Variants in EIF4ENIF1 observed in about 807,000 individuals in gnomAD.
EIF4ENIF1 encodes the protein eukaryotic translation initiation factor 4E transporter.
EIF4ENIF1 carries 23 observed loss-of-function variants against 110.5 expected under a neutral mutation model. The observed-to-expected ratio is 0.21, with a 90% CI of 0.15 to 0.29. The LOEUF is 0.29. Among genes scored for constraint, EIF4ENIF1 ranks in the 10% least tolerant of loss-of-function variants. The pLI is 1.00. For missense variants in EIF4ENIF1, 1,031 were observed against 1,221.1 expected (o/e 0.84, Z 2.32); for synonymous variants, 440 against 437.0 (o/e 1.01, Z -0.09).
At chr22:31,456,822 G>A (rs573983560) in intron 7 of EIF4ENIF1, among the ~76,000 whole-genome samples, 2 of 152,258 alleles carry the variant, frequency 1.3e-5, no homozygotes, top group South Asian at 2.1e-4. Context: ...TACTTTCTAA[G>A]AATATAAAGC....
chr22:31,463,869 A>G lies in EIF4ENIF1; in HGVS notation c.397T>C (p.Ser133Pro). The change falls in exon 5 of 19, where the codon TCC (serine) becomes CCC (proline). Residue 133 changes from serine to proline, a missense_variant. Around this residue, in one of 3 missense-constraint regions of EIF4ENIF1, gnomAD observed 704 missense variants for 879.7 expected, o/e 0.80. Coordinates refer to ENST00000330125, the MANE Select transcript of EIF4ENIF1 (RefSeq NM_019843.4). ...GGCHVTAAVSSRRSGSPLEKD... is the reference protein window; with the variant it reads ...GGCHVTAAVSPRRSGSPLEKD... The stretch of plus-strand genomic sequence containing the variant: ...TCTAATGGACTTCCTGAGCGCCGGG[A>G]GCTAACAGCGGCTGTCACGTGGCAG... The G allele has an allele frequency of 6.2e-7, 1 of 1,614,108 alleles. No individual in the cohort carries two copies. The highest frequency in any genetic ancestry group is 8.5e-7 in the Non-Finnish European group (1 of 1,180,038).
chr22:31,490,124 C>T (rs1214142848), upstream of EIF4ENIF1, among the ~76,000 whole-genome samples: 1 of 152,218 alleles, frequency 6.6e-6, no homozygotes, highest in African/African-American at 2.4e-5. Flanking sequence ...CAGAGGCCAC[C>T]GCCGCCGCGT....
rs1338769254 is a variant in EIF4ENIF1 at position 31,439,650 on chromosome 22, A to T, written c.*230T>A. ...ACATATCTTACAAAAAAGAAAGACC[A>T]TTTCCAGGATTGACAACATTGTGCA... On this transcript the variant is annotated 3_prime_UTR_variant, in exon 19 of 19. Coordinates refer to ENST00000330125, the MANE Select transcript of EIF4ENIF1 (RefSeq NM_019843.4). The T allele has an allele frequency of 1.7e-6, 1 of 587,944 alleles. No individual in the cohort carries two copies. The highest frequency in any genetic ancestry group is 3.6e-5 in the Admixed American group (1 of 28,106). The allele number at this position is 587,944 out of a possible 1,614,324, so 36.4% of individuals were successfully genotyped here. A position where few individuals can be genotyped will look rare whatever the true frequency, so the allele number is the denominator to read the frequency against.
At chr22:31,477,822 A>T (rs1397852810) in intron 2 of EIF4ENIF1, among the ~76,000 whole-genome samples, 6 of 152,222 alleles carry the variant, frequency 3.9e-5, no homozygotes, top group African/African-American at 1.4e-4. Flanking sequence ...TAAAAGTGGC[A>T]GGGAGTCACT....
At position 31,463,894 on chromosome 22, in the gene EIF4ENIF1, G is replaced by T; in HGVS notation, c.372C>A (p.Gly124=). 1 of 1,614,126 alleles carries T rather than the reference G, an allele frequency of 6.2e-7. No individual in the cohort carries two copies. Among genetic ancestry groups the T allele is most frequent in the East Asian group, 2.2e-5 (1 of 44,882 alleles). Residue 124 remains glycine (G), a synonymous_variant, in exon 5 of 19, where the codon GGC becomes GGA. Coordinates refer to ENST00000330125, the MANE Select transcript of EIF4ENIF1 (RefSeq NM_019843.4). ...AGCTAACAGCGGCTGTCACGTGGCA[G>T]CCCCCTCCAAAGCTCCGTCTCTGAG... is the stretch of plus-strand genomic sequence containing the variant. The part of the protein sequence containing the change: ...LSPQRRSFGG[G]CHVTAAVSSR...
chr22:31,464,303 A>T, intron 4 of EIF4ENIF1: 1 of 235,416 alleles, frequency 4.2e-6, no homozygotes, highest in East Asian at 1.1e-4. Context: ...TATTTGAAAA[A>T]ATAACTGCTT....
intron 15 of EIF4ENIF1, 127 bp from the exon 16 acceptor site, chr22:31,443,221 T>G: frequency 3.0e-6 from 4 of 1,337,176 alleles, no homozygotes; most frequent in Admixed American, 2.6e-5. Flanking sequence ...AACTGTAGTA[T>G]TCTGTTCTGT....
intron 3 of EIF4ENIF1, among the ~76,000 whole-genome samples, chr22:31,470,088 CG>C (rs1217490834): frequency 1.4e-5 from 2 of 144,074 alleles, no homozygotes; most frequent in Non-Finnish European, 3.0e-5. Flanking sequence ...CGCTTGAACC[CG>C]GGAGGGGAAG....
upstream of EIF4ENIF1, among the ~76,000 whole-genome samples, chr22:31,492,386 A>G (rs2052293324): frequency 6.6e-6 from 1 of 152,196 alleles, no homozygotes; most frequent in Admixed American, 6.5e-5. Context: ...AAACCACCAC[A>G]AGCCATACAT....
In EIF4ENIF1 at chr22:31,442,252, C is replaced by T. The variant is rs895589333; in HGVS notation, c.2207-134G>A. The T allele has an allele frequency of 3.3e-5, 23 of 691,086 alleles. 1 individual carries two copies. The highest frequency in any genetic ancestry group is 9.8e-5 in the South Asian group (5 of 51,228). 42.8% of individuals were successfully genotyped at this position (691,086 alleles called of 1,614,324 possible). A position where few individuals can be genotyped will look rare whatever the true frequency, so the allele number is the denominator to read the frequency against. Reference sequence around the variant, plus strand: ...CCCTTAACAAGTTTAGAGGACTACACGGTAGGAACCATCGTTTGCTTCATA... The same window carrying T: ...CCCTTAACAAGTTTAGAGGACTACATGGTAGGAACCATCGTTTGCTTCATA... On this transcript the variant is annotated intron_variant, in intron 16 of 18. Transcript: ENST00000330125.
chr22:31,456,368 C>A (rs571888692), intron 7 of EIF4ENIF1, among the ~76,000 whole-genome samples: 1 of 151,676 alleles, frequency 6.6e-6, no homozygotes, highest in Non-Finnish European at 1.5e-5. Context: ...GGACTACAGG[C>A]GCCTGCCACC....
At chr22:31,476,389 G>GA (rs2051573942) in intron 2 of EIF4ENIF1, among the ~76,000 whole-genome samples, 1 of 152,136 alleles carries the variant, frequency 6.6e-6, no homozygotes, top group Non-Finnish European at 1.5e-5. Context: ...ATTTATTTAG[G>GA]AGTCACCTGG....
chr22:31,446,003 T>A, intron 14 of EIF4ENIF1, among the ~76,000 whole-genome samples: 1 of 136,950 alleles, frequency 7.3e-6, no homozygotes, highest in East Asian at 2.6e-4. Flanking sequence ...TCATATAAAA[T>A]TCTGGGCCAG....
intron 2 of EIF4ENIF1, among the ~76,000 whole-genome samples, chr22:31,487,464 C>T (rs1365429553): frequency 5.9e-5 from 9 of 152,134 alleles, no homozygotes; most frequent in Admixed American, 5.9e-4. Flanking sequence ...ATTAACCAAT[C>T]AGTATCCCAG....
At chr22:31,454,416 G>C in intron 9 of EIF4ENIF1, 40 bp from the exon 10 acceptor site, 1 of 1,549,652 alleles carries the variant, frequency 6.5e-7, no homozygotes, top group Non-Finnish European at 8.9e-7. Flanking sequence ...CAAGCAAAGA[G>C]ATATCTGGTA....
chr22:31,449,504 G>T lies in EIF4ENIF1; in HGVS notation c.1612C>A (p.Pro538Thr), dbSNP rs142530811. ...QELLGQPVQR[P>T]ASSNLLSGLM... ...CCACTCAGAAGATTGGAAGAAGCAG[G>T]TCTCTGAACTGGTTGACCCAGAAGT... The change falls in exon 12 of 19, where the codon CCT becomes ACT. Residue 538 changes from proline (P) to threonine (T), a missense_variant. Coordinates refer to ENST00000330125, the MANE Select transcript of EIF4ENIF1 (RefSeq NM_019843.4). The T allele has an allele frequency of 7.3e-5, 118 of 1,613,564 alleles. No individual in the cohort carries two copies. Among genetic ancestry groups the T allele is most frequent in the Admixed American group, 1.2e-4 (7 of 59,832 alleles).
chr22:31,480,771 C>T (rs533420696), intron 2 of EIF4ENIF1, among the ~76,000 whole-genome samples: 1 of 151,776 alleles, frequency 6.6e-6, no homozygotes, highest in African/African-American at 2.4e-5. Flanking sequence ...AAAACAAAAC[C>T]GAACAGGCAG....
chr22:31,463,924 G>C lies in EIF4ENIF1; in HGVS notation c.342C>G (p.Leu114=). Reference sequence around the variant, plus strand: ...CTCCAAAGCTCCGTCTCTGAGGGCTGAGAACAACATCTAAGTCATCTTCTT... The same window carrying C: ...CTCCAAAGCTCCGTCTCTGAGGGCTCAGAACAACATCTAAGTCATCTTCTT... ...RVKEDDLDVV[L]SPQRRSFGGG... Residue 114 remains leucine, a synonymous_variant, in exon 5 of 19, where the codon CTC becomes CTG. Coordinates refer to ENST00000330125, the MANE Select transcript of EIF4ENIF1 (RefSeq NM_019843.4). 2.5e-6 allele frequency: 4 copies of C among 1,614,058 alleles called. No individual in the cohort carries two copies. Among genetic ancestry groups the C allele is most frequent in the Non-Finnish European group, 3.4e-6 (4 of 1,180,040 alleles).
At chr22:31,476,520 G>A (rs1159801782) in intron 2 of EIF4ENIF1, among the ~76,000 whole-genome samples, 1 of 152,106 alleles carries the variant, frequency 6.6e-6, no homozygotes, top group Non-Finnish European at 1.5e-5. Flanking sequence ...GAAAATAGGA[G>A]GCTAAAGAGA....
Sources: gnomAD v4.1 joint callset for allele counts (sites outside exome capture counted in the v4.1 genomes callset) on GRCh38, gnomAD v4.1.1 for gene constraint, gnomAD v4.1.1 regional missense constraint, MANE v1.5 for transcripts, NCBI Gene and HGNC (gene_info 2026-07-23, HGNC 2026-07-21) for gene names.